The following MAML2 variants were observed in gnomAD, a reference collection of about 807,000 sequenced individuals.
The protein encoded by MAML2 is mastermind like transcriptional coactivator 2, also known as mastermind-like protein 2.
Under a neutral mutation model 96.1 loss-of-function variants are expected in MAML2, and 22 were observed. The observed-to-expected ratio is 0.23, with a 90% confidence interval of 0.16 to 0.33. The LOEUF (loss-of-function observed/expected upper bound fraction) is 0.33, where lower values mean the gene tolerates loss of function less well. MAML2 is among the 10% of genes least tolerant of loss of function. The probability of loss-of-function intolerance (pLI) is 1.00; values close to 1 mark genes in which losing one functional copy is unlikely to be tolerated. For synonymous variants in MAML2, 561 were observed against 521.3 expected, an observed-to-expected ratio of 1.08 and a Z score of -1.04; for missense variants, 1,367 against 1,392.4, an observed-to-expected ratio of 0.98 and a Z score of 0.29.
intron 1 of MAML2, among the ~76,000 whole-genome samples, chr11:96,131,348 A>G (rs1048917173): frequency 1.3e-4 from 20 of 152,348 alleles, no homozygotes; most frequent in African/African-American, 4.1e-4. Flanking sequence ...TCAAAACCCT[A>G]CTTTCAATAA....
At chr11:95,999,704 A>G (rs1939270843) in intron 2 of MAML2, among the ~76,000 whole-genome samples, 2 of 152,156 alleles carry the variant, frequency 1.3e-5, no homozygotes, top group African/African-American at 4.8e-5. Context: ...AAAATGAAGT[A>G]ATGTAAATTA....
At chr11:95,986,535 TAGG>T (rs1430989933) in intron 3 of MAML2, among the ~76,000 whole-genome samples, 1 of 151,934 alleles carries the variant, frequency 6.6e-6, no homozygotes, top group Non-Finnish European at 1.5e-5. Flanking sequence ...TGACCCTAGG[TAGG>T]AGGAGATGTC....
In MAML2 at chr11:95,996,804, C is replaced by T. The variant is rs77162260; in HGVS notation, c.2140-5081G>A. On this transcript the variant is annotated intron_variant, in intron 2 of 4. Coordinates refer to ENST00000524717, the MANE Select transcript of MAML2 (RefSeq NM_032427.4). ...AAAAACTGCTTTGATGCATTGGCTTCGATTTTCATACTCAGCCTCACTCTT... is the reference window on the plus strand; with the variant it reads ...AAAAACTGCTTTGATGCATTGGCTTTGATTTTCATACTCAGCCTCACTCTT... 9.5e-4 allele frequency among the ~76,000 whole-genome samples: 145 copies of T among 152,242 alleles called. 2 individuals carry two copies. The East Asian group carries it at 0.026, about 28-fold the overall frequency.
chr11:96,013,711 C>G (rs756587342), intron 2 of MAML2, among the ~76,000 whole-genome samples: 8 of 152,220 alleles, frequency 5.3e-5, no homozygotes, highest in Non-Finnish European at 1.2e-4. Flanking sequence ...CAGCAGGACA[C>G]TGGCGGGACG....
intron 1 of MAML2, among the ~76,000 whole-genome samples, chr11:96,113,113 A>G (rs963589538): frequency 6.6e-6 from 1 of 151,956 alleles, no homozygotes; most frequent in African/African-American, 2.4e-5. Flanking sequence ...TCTAGAAAAT[A>G]GATGGGAAGG....
intron 2 of MAML2, among the ~76,000 whole-genome samples, chr11:96,030,019 G>C (rs896013186): frequency 5.9e-5 from 9 of 152,200 alleles, no homozygotes; most frequent in African/African-American, 1.9e-4. Context: ...GGATCACGAG[G>C]TCAGACGTTC....
At chr11:96,191,699 G>A (rs1009362113) in intron 1 of MAML2, among the ~76,000 whole-genome samples, 5 of 147,312 alleles carry the variant, frequency 3.4e-5, no homozygotes, top group African/African-American at 1.3e-4. Context: ...GTGATCCCAG[G>A]AGGCGGAGCT....
chr11:96,231,691 A>G (rs1273442214), intron 1 of MAML2, among the ~76,000 whole-genome samples: 1 of 152,214 alleles, frequency 6.6e-6, no homozygotes, highest in Non-Finnish European at 1.5e-5. Flanking sequence ...GGGAACAATG[A>G]GAGAGCTGCA....
At chr11:96,331,872 T>G (rs1863859030) in intron 1 of MAML2, among the ~76,000 whole-genome samples, 2 of 151,860 alleles carry the variant, frequency 1.3e-5, no homozygotes, top group African/African-American at 4.8e-5. Flanking sequence ...GGATTTGGTC[T>G]GTCTTCTCTC....
chr11:96,181,786 CTGAG>C (rs879306247), intron 1 of MAML2, among the ~76,000 whole-genome samples: 84,586 of 151,482 alleles, frequency 0.56, 24,209 homozygotes, highest in East Asian at 0.75. Context: ...ACTGAAGATA[CTGAG>C]TATGCTTCAC....
Position 96,302,363 on chromosome 11 carries a change from G to C in MAML2, c.513+39020C>G, listed in dbSNP as rs114532558. On this transcript the variant is annotated intron_variant, in intron 1 of 4. Coordinates refer to ENST00000524717, the MANE Select transcript of MAML2 (RefSeq NM_032427.4). Reference sequence around the variant, plus strand: ...TTATGTACTTTCATCTGTTGTTCTGGCTCACTCAGCATCCATTCTTCTCTG... The same window carrying C: ...TTATGTACTTTCATCTGTTGTTCTGCCTCACTCAGCATCCATTCTTCTCTG... 6.4e-3 allele frequency among the ~76,000 whole-genome samples: 968 copies of C among 152,188 alleles called. 17 individuals carry two copies. Among genetic ancestry groups the C allele is most frequent in the African/African-American group, 0.022 (906 of 41,516 alleles).
chr11:96,251,735 T>C (rs1033657550), intron 1 of MAML2, among the ~76,000 whole-genome samples: 147 of 33,042 alleles, frequency 4.4e-3, no homozygotes, highest in African/African-American at 0.017. Context: ...TACAAACCCT[T>C]TTTTTTTTTT....
chr11:96,181,250 G>C (rs1186869612), intron 1 of MAML2, among the ~76,000 whole-genome samples: 1 of 152,158 alleles, frequency 6.6e-6, no homozygotes, highest in African/African-American at 2.4e-5. Context: ...TTTCACCTAA[G>C]AAGAAGGCAG....
intron 1 of MAML2, among the ~76,000 whole-genome samples, chr11:96,120,563 T>C (rs952269147): frequency 6.6e-6 from 1 of 152,250 alleles, no homozygotes; most frequent in African/African-American, 2.4e-5. Context: ...TTAAGCACTT[T>C]GTTTCCACTC....
At chr11:96,322,982 T>C (rs554573407) in intron 1 of MAML2, among the ~76,000 whole-genome samples, 2 of 152,270 alleles carry the variant, frequency 1.3e-5, no homozygotes, top group African/African-American at 4.8e-5. Flanking sequence ...CTGACGAAAC[T>C]GTGGAATGCG....
At chr11:96,261,758 G>A (rs561132621) in intron 1 of MAML2, among the ~76,000 whole-genome samples, 1 of 152,278 alleles carries the variant, frequency 6.6e-6, no homozygotes, top group South Asian at 2.1e-4. Context: ...ATAAAATAAG[G>A]AAGTGTTCAA....
rs56860340 is a variant in MAML2, at chr11:96,155,509, AATATATATATATATAT to A, written c.514-62008_514-61993del. The stretch of plus-strand genomic sequence containing the variant: ...ACCTCATGGGCGCTGTAACAATTCA[AATATATATATATATAT>A]ATATATATATATATATATATATATA... On this transcript the variant is annotated intron_variant, in intron 1 of 4. Coordinates refer to ENST00000524717, the MANE Select transcript of MAML2 (RefSeq NM_032427.4). Among the ~76,000 whole-genome samples the A allele has an allele frequency of 6.6e-3, 494 of 74,856 alleles. 25 individuals carry two copies. The highest frequency in any genetic ancestry group is 0.017 in the African/African-American group (277 of 16,528). The allele number at this position is 74,856 out of a possible 152,430, so 49.1% of individuals were successfully genotyped here.
intron 1 of MAML2, among the ~76,000 whole-genome samples, chr11:96,284,024 C>T (rs892822462): frequency 2.6e-5 from 4 of 152,144 alleles, no homozygotes; most frequent in African/African-American, 9.7e-5. Context: ...TTCTATCAAA[C>T]TTTTCTTTCA....
intron 2 of MAML2, among the ~76,000 whole-genome samples, chr11:96,001,442 CT>C (rs1461261917): frequency 6.6e-6 from 1 of 152,150 alleles, no homozygotes; most frequent in Non-Finnish European, 1.5e-5. Flanking sequence ...AGCTTTCTGC[CT>C]CTAGAGCAGT....
Sources: gnomAD v4.1 joint callset for allele counts (sites outside exome capture counted in the v4.1 genomes callset) on GRCh38, gnomAD v4.1.1 for gene constraint, MANE v1.5 for transcripts, NCBI Gene and HGNC (gene_info 2026-07-23, HGNC 2026-07-21) for gene names.